Variants in CKAP5 observed in about 807,000 individuals in gnomAD.
The protein encoded by CKAP5 is cytoskeleton-associated protein 5.
CKAP5 carries 27 observed loss-of-function variants against 232.8 expected under a neutral mutation model. The observed-to-expected ratio is 0.12, with a 90% CI of 0.09 to 0.16. CKAP5 has a LOEUF of 0.16. Ranked by LOEUF, CKAP5 falls within the 10% of genes least tolerant of loss-of-function variation. The probability of loss-of-function intolerance (pLI) is 1.00; values close to 1 mark genes in which losing one functional copy is unlikely to be tolerated. For synonymous variants in CKAP5, 785 were observed against 841.1 expected, an observed-to-expected ratio of 0.93 and a Z score of 1.16; for missense variants, 1,838 against 2,424.7, an observed-to-expected ratio of 0.76 and a Z score of 5.08.
intron 15 of CKAP5, among the ~76,000 whole-genome samples, chr11:46,789,791 G>A (rs777790848): frequency 3.3e-5 from 5 of 151,886 alleles, no homozygotes; most frequent in Non-Finnish European, 7.4e-5. Context: ...GCAAGATTCC[G>A]TCTCAAAAAA....
At chr11:46,844,221 TAA>T (rs1162075349) in intron 1 of CKAP5, among the ~76,000 whole-genome samples, 26 of 135,342 alleles carry the variant, frequency 1.9e-4, no homozygotes, top group Non-Finnish European at 1.5e-4. Flanking sequence ...GACTCTGTCT[TAA>T]AAAAAAAAAA....
At chr11:46,809,597 A>G (rs1294031190) in intron 6 of CKAP5, 97 bp from the exon 7 acceptor site, 1 of 1,307,588 alleles carries the variant, frequency 7.6e-7, no homozygotes, top group African/African-American at 1.5e-5. Context: ...ATTTTAATAG[A>G]GAAGGGACCA....
chr11:46,821,389 C>A, intron 1 of CKAP5, 121 bp from the exon 2 acceptor site: 1 of 465,668 alleles, frequency 2.1e-6, no homozygotes, highest in Non-Finnish European at 3.8e-6. Context: ...CCCGTTCTTT[C>A]GTCAGATCCC....
Position 46,801,196 on chromosome 11 carries a change from T to G in CKAP5, c.1083+4A>C, listed in dbSNP as rs368801802. The G allele has an allele frequency of 2.2e-5, 36 of 1,604,694 alleles. No individual in the cohort carries two copies. Among genetic ancestry groups the G allele is most frequent in the Non-Finnish European group, 2.9e-5 (34 of 1,171,710 alleles). On this transcript the variant is annotated splice_donor_region_variant and intron_variant, in intron 9 of 43. Transcript: ENST00000529230. ...ATCTGTATCTAAAAAGGAGTGTTAC[T>G]TACATGTCCTGCATATTGTCCAAAT...
In CKAP5 at chr11:46,777,456, C is replaced by T; in HGVS notation, c.2845G>A (p.Val949Ile). ...VKNLGIPIITVLGDSKNNVRA... is the reference protein window; with the variant it reads ...VKNLGIPIITILGDSKNNVRA... ...AGGTTTACCTTGCTGTCTCCAAGGA[C>T]TGTGATGATAGGGATGCCTAAATTT... Residue 949 changes from valine to isoleucine, a missense_variant, in exon 23 of 44, where the codon GTC (valine) becomes ATC (isoleucine). Around this residue, in one of 6 missense-constraint regions of CKAP5, gnomAD observed 767 missense variants for 954.6 expected, o/e 0.80. Coordinates refer to ENST00000529230, the MANE Select transcript of CKAP5 (RefSeq NM_001008938.4). 1 of 1,609,670 alleles carries T rather than the reference C, an allele frequency of 6.2e-7. No homozygotes were observed. The highest frequency in any genetic ancestry group is 8.5e-7 in the Non-Finnish European group (1 of 1,175,976).
chr11:46,770,731 T>C, intron 25 of CKAP5, 57 bp downstream of exon 25: 3 of 1,515,338 alleles, frequency 2.0e-6, no homozygotes, highest in South Asian at 1.2e-5. Context: ...GCCAGGCCCA[T>C]GTTAAATATA....
chr11:46,763,733 T>G (rs2065176264), intron 28 of CKAP5, 103 bp from the exon 29 acceptor site: 2 of 674,738 alleles, frequency 3.0e-6, no homozygotes, highest in East Asian at 6.8e-5. Flanking sequence ...TATTTAAAAA[T>G]TCAACAATAT....
At chr11:46,774,720 C>CA (rs1259444106) in intron 24 of CKAP5, among the ~76,000 whole-genome samples, 3 of 151,940 alleles carry the variant, frequency 2.0e-5, no homozygotes, top group East Asian at 1.9e-4. Flanking sequence ...ACAAATCTGA[C>CA]AAAAAACAAG....
intron 42 of CKAP5, among the ~76,000 whole-genome samples, chr11:46,745,151 A>G (rs77285996): frequency 0.031 from 4,651 of 152,260 alleles, 103 homozygotes; most frequent in Non-Finnish European, 0.046. Flanking sequence ...AAAACAACAA[A>G]AAATCCATCA....
rs941969600 is a variant in CKAP5 at position 46,748,524 on chromosome 11, C to T, written c.5704+1750G>A. Among the ~76,000 whole-genome samples the T allele has an allele frequency of 3.9e-5, 6 of 152,062 alleles. No homozygotes were observed. In the East Asian group the frequency reaches 5.8e-4, roughly 15 times the overall value. On this transcript the variant is annotated intron_variant, in intron 42 of 43. Transcript: ENST00000529230. Reference sequence around the variant, plus strand: ...GCATGGTGGCTCACGCCTGTAATCCCGGAACTTTGGGAGGCCGAAGTGGGC... The same window carrying T: ...GCATGGTGGCTCACGCCTGTAATCCTGGAACTTTGGGAGGCCGAAGTGGGC...
At chr11:46,809,522 A>C in intron 6 of CKAP5, 22 bp from the exon 7 acceptor site, 3 of 1,538,040 alleles carry the variant, frequency 2.0e-6, no homozygotes, top group Non-Finnish European at 1.8e-6. Flanking sequence ...AAAACAACAC[A>C]AACCTTAAAA....
intron 24 of CKAP5, among the ~76,000 whole-genome samples, chr11:46,775,477 T>C (rs1373600742): frequency 6.6e-6 from 1 of 152,198 alleles, no homozygotes; most frequent in Non-Finnish European, 1.5e-5. Flanking sequence ...TACTGGGTAA[T>C]ACCCAAAAGA....
At chr11:46,771,243 C>A (rs1349512389) in intron 24 of CKAP5, among the ~76,000 whole-genome samples, 1 of 152,172 alleles carries the variant, frequency 6.6e-6, no homozygotes, top group Admixed American at 6.5e-5. Context: ...TTTAATACAT[C>A]TTAAAGATGA....
At chr11:46,783,684 G>A (rs1009668837) in intron 17 of CKAP5, among the ~76,000 whole-genome samples, 3 of 150,896 alleles carry the variant, frequency 2.0e-5, no homozygotes, top group African/African-American at 4.9e-5. Flanking sequence ...CCTCAAGCTC[G>A]TGGGCTTTCA....
In CKAP5 at chr11:46,762,989, T is replaced by A; in HGVS notation, c.3878A>T (p.Tyr1293Phe). The part of the protein sequence containing the change: ...TENEASSFIP[Y>F]LVVKVGEPKD... ...ACACCACATTACCTTGACGACAAGA[T>A]AGGGGATGAAGGAAGATGCTTCATT... Residue 1293 changes from tyrosine (Y) to phenylalanine (F), a missense_variant, in exon 30 of 44, where the codon TAT becomes TTT. By Grantham distance (22) the Tyr-to-Phe change is conservative. This residue lies in a region of CKAP5 where 48 missense variants were observed against 98.1 expected (regional missense o/e 0.49). Coordinates refer to ENST00000529230, the MANE Select transcript of CKAP5 (RefSeq NM_001008938.4). 1 of 1,613,300 alleles carries A rather than the reference T, an allele frequency of 6.2e-7. No homozygotes were observed. The highest frequency in any genetic ancestry group is 8.5e-7 in the Non-Finnish European group (1 of 1,179,358).
intron 1 of CKAP5, among the ~76,000 whole-genome samples, chr11:46,829,451 A>G (rs981722811): frequency 6.6e-6 from 1 of 152,192 alleles, no homozygotes; most frequent in Non-Finnish European, 1.5e-5. Flanking sequence ...AGGCTAAGGT[A>G]GAAGGATTGC....
chr11:46,767,947 C>T (rs2065216880), intron 26 of CKAP5, among the ~76,000 whole-genome samples: 1 of 152,118 alleles, frequency 6.6e-6, no homozygotes, highest in South Asian at 2.1e-4. Context: ...CCCGTGCCAC[C>T]GCACCCAGCT....
intron 8 of CKAP5, among the ~76,000 whole-genome samples, chr11:46,802,726 G>A (rs1450222825): frequency 6.6e-6 from 1 of 152,060 alleles, no homozygotes; most frequent in Non-Finnish European, 1.5e-5. Context: ...CTACAATGTG[G>A]TGTTCCATAA....
At chr11:46,767,871 C>T (rs2065215901) in intron 26 of CKAP5, among the ~76,000 whole-genome samples, 2 of 152,022 alleles carry the variant, frequency 1.3e-5, no homozygotes, top group South Asian at 2.1e-4. Flanking sequence ...GTGCTCACTG[C>T]AGTCCTGACC....
Sources: allele counts gnomAD v4.1 joint callset (sites outside exome capture counted in the v4.1 genomes callset), GRCh38; gene constraint gnomAD v4.1.1; regional missense constraint gnomAD v4.1.1; transcripts MANE v1.5; gene names NCBI Gene and HGNC (gene_info 2026-07-23, HGNC 2026-07-21).